Variants in ANAPC5 observed in about 807,000 individuals in gnomAD.
The protein encoded by ANAPC5 is anaphase-promoting complex subunit 5.
In ANAPC5, 60 loss-of-function variants were observed where a neutral mutation model predicts 91.3. The ratio of observed to expected loss-of-function variants is 0.66; its 90% confidence interval spans 0.53 to 0.81. ANAPC5 has a LOEUF of 0.81. Among genes scored for constraint, ANAPC5 ranks in the 40% least tolerant of loss-of-function variants. The pLI, the probability that ANAPC5 is intolerant of heterozygous loss-of-function variation, is 0.00. For missense variants in ANAPC5, 690 were observed against 931.5 expected (o/e 0.74, Z 3.37); for synonymous variants, 340 against 364.1 (o/e 0.93, Z 0.75).
rs140257918 is a variant in ANAPC5 at position 121,335,577 on chromosome 12, G to A, written c.906C>T (p.Tyr302=). 2.5e-5 allele frequency: 41 copies of A among 1,613,530 alleles called. 1 individual carries two copies. Among genetic ancestry groups the A allele is most frequent in the South Asian group, 7.7e-5 (7 of 91,064 alleles). Residue 302 remains tyrosine, a synonymous_variant, in exon 7 of 17, where the codon TAC becomes TAT. Coordinates refer to ENST00000261819, the MANE Select transcript of ANAPC5 (RefSeq NM_016237.5). Reference sequence around the variant, plus strand: ...GCAGGGCGGCAAGATTCAGAGCGGCGTATCTCAAGCTCCGGCCATAGCCCT... The same window carrying A: ...GCAGGGCGGCAAGATTCAGAGCGGCATATCTCAAGCTCCGGCCATAGCCCT... ...GEEGYGRSLR[Y]AALNLAALHC...
intron 1 of ANAPC5, among the ~76,000 whole-genome samples, chr12:121,349,896 A>G (rs1903817472): frequency 6.6e-6 from 1 of 151,834 alleles, no homozygotes; most frequent in Non-Finnish European, 1.5e-5. Context: ...TTTTTAGTAG[A>G]GATGGGGTTT....
intron 7 of ANAPC5, chr12:121,332,294 T>C (rs1903072776): frequency 6.6e-6 from 1 of 152,212 alleles, no homozygotes; most frequent in Non-Finnish European, 1.5e-5. Flanking sequence ...TTTTGAGGAT[T>C]CCCACTTCTG....
rs774125294 is a variant in ANAPC5 at position 121,318,411 on chromosome 12, C to T, written c.1759G>A (p.Val587Met). 11 of 1,610,770 alleles carry T rather than the reference C, an allele frequency of 6.8e-6. 1 individual carries two copies. Among genetic ancestry groups the T allele is most frequent in the East Asian group, 2.2e-5 (1 of 44,858 alleles). ...TEMVISVLLS[V>M]AELYWRSSSP... ...GAAGATCGCCAGTACAGCTCTGCCA[C>T]GGACAGTAGGACACTGACCGTAAAG... The change falls in exon 15 of 17, where the codon GTG becomes ATG. Residue 587 changes from valine to methionine, a missense_variant. By Grantham distance (21) the Val-to-Met change is conservative. Transcript: ENST00000261819.
At chr12:121,327,753 T>G (rs1209646034) in intron 10 of ANAPC5, 1 of 155,636 alleles carries the variant, frequency 6.4e-6, no homozygotes, top group African/African-American at 2.4e-5. Flanking sequence ...AGGATTAAAA[T>G]GCGGCAACAA....
At chr12:121,319,610 T>G in intron 13 of ANAPC5, 87 bp downstream of exon 13, 1 of 1,372,302 alleles carries the variant, frequency 7.3e-7, no homozygotes, top group Non-Finnish European at 9.8e-7. Context: ...TTTTCTAAGC[T>G]AAAATAAATT....
chr12:121,317,685 A>C (rs1275561761), intron 15 of ANAPC5, among the ~76,000 whole-genome samples: 2 of 152,230 alleles, frequency 1.3e-5, no homozygotes, highest in Non-Finnish European at 2.9e-5. Flanking sequence ...GATATTTTTT[A>C]AATCTCCGCA....
In ANAPC5 at chr12:121,315,431, A is replaced by G. The variant is rs1902315170; in HGVS notation, c.1893+2846T>C. ...AACTACTGTTTTTGCAGAAATGAAC[A>G]AGCTAATTCTAAAATCAACATATAA... On this transcript the variant is annotated intron_variant, in intron 15 of 16. Transcript: ENST00000261819. Among the ~76,000 whole-genome samples, 4 of 152,252 alleles carry G rather than the reference A, an allele frequency of 2.6e-5. No individual in the cohort carries two copies. In the South Asian group the frequency reaches 8.3e-4, roughly 32 times the overall value.
chr12:121,345,719 G>C, intron 4 of ANAPC5, 120 bp downstream of exon 4: 1 of 1,059,962 alleles, frequency 9.4e-7, no homozygotes, highest in Non-Finnish European at 1.4e-6. Flanking sequence ...TAACTTCCCA[G>C]ATCTGGAAGG....
At chr12:121,348,152 T>C (rs1375248393) in intron 1 of ANAPC5, among the ~76,000 whole-genome samples, 2 of 152,214 alleles carry the variant, frequency 1.3e-5, no homozygotes, top group Non-Finnish European at 2.9e-5. Context: ...TTTGTAATCA[T>C]TGCAAAATTG....
rs534407206 is a variant in ANAPC5 at position 121,316,560 on chromosome 12, C to T, written c.1893+1717G>A. 4.0e-4 allele frequency among the ~76,000 whole-genome samples: 60 copies of T among 151,826 alleles called. 1 individual carries two copies. The highest frequency in any genetic ancestry group is 2.6e-3 in the Admixed American group (39 of 15,228). On this transcript the variant is annotated intron_variant, in intron 15 of 16. Transcript: ENST00000261819. ...CACCCTGGCTAACACAGTGAAACCC[C>T]ATCTCTACTAAAAATACAAAAAAAT...
intron 5 of ANAPC5, among the ~76,000 whole-genome samples, chr12:121,341,034 A>G (rs1021039334): frequency 5.3e-5 from 8 of 151,952 alleles, no homozygotes; most frequent in Admixed American, 5.2e-4. Context: ...AAAAGCATCC[A>G]TAAGAAATGT....
intron 5 of ANAPC5, among the ~76,000 whole-genome samples, chr12:121,339,214 T>C (rs1903354958): frequency 6.6e-6 from 1 of 151,966 alleles, no homozygotes; most frequent in Non-Finnish European, 1.5e-5. Context: ...CACATCTGGC[T>C]AATTTTTTGT....
chr12:121,314,573 T>A (rs764085218), intron 15 of ANAPC5, among the ~76,000 whole-genome samples: 10 of 151,800 alleles, frequency 6.6e-5, no homozygotes, highest in Non-Finnish European at 1.2e-4. Flanking sequence ...TGATATTTGA[T>A]GATGAAAGAC....
Position 121,314,399 on chromosome 12 carries a change from ACACT to A in ANAPC5, c.1893+3874_1893+3877del, listed in dbSNP as rs1902275166. On this transcript the variant is annotated intron_variant, in intron 15 of 16. Coordinates refer to ENST00000261819, the MANE Select transcript of ANAPC5 (RefSeq NM_016237.5). ...GCATTCCAGCCTGGGCAACAGAGTG[ACACT>A]CTATCTCAAAAACAAACAAACAAAA... Among the ~76,000 whole-genome samples the A allele has an allele frequency of 2.6e-5, 4 of 152,276 alleles. No homozygotes were observed. In the South Asian group the frequency reaches 8.3e-4, roughly 32 times the overall value.
chr12:121,329,458 A>G (rs930905148), intron 9 of ANAPC5, among the ~76,000 whole-genome samples: 1 of 151,276 alleles, frequency 6.6e-6, no homozygotes, highest in African/African-American at 2.4e-5. Context: ...GGCCGATTTT[A>G]AAGTGTATAC....
rs564607412 is a variant in ANAPC5 at position 121,308,396 on chromosome 12, A to G, written c.*84T>C. 335 of 1,124,428 alleles carry G rather than the reference A, an allele frequency of 3.0e-4. 2 individuals are homozygous for G. In the Admixed American group the frequency reaches 5.1e-3, roughly 17 times the overall value. 69.7% of individuals were successfully genotyped at this position (1,124,428 alleles called of 1,614,324 possible). On this transcript the variant is annotated 3_prime_UTR_variant, in exon 17 of 17. Coordinates refer to ENST00000261819, the MANE Select transcript of ANAPC5 (RefSeq NM_016237.5). ...TTTATTGACAAGATAGGGTGTCACA[A>G]ATACATCATTTATAGGGAGAGAGGG...
intron 15 of ANAPC5, among the ~76,000 whole-genome samples, chr12:121,315,323 A>G (rs1902311167): frequency 6.6e-6 from 1 of 152,232 alleles, no homozygotes; most frequent in South Asian, 2.1e-4. Context: ...TCCTGTGTTC[A>G]TGGGTTGGAA....
At chr12:121,347,756 T>C in intron 2 of ANAPC5, 46 bp downstream of exon 2, 1 of 1,436,696 alleles carries the variant, frequency 7.0e-7, no homozygotes, top group South Asian at 1.2e-5. Flanking sequence ...GTGATTTTCA[T>C]CTACCTTCAC....
intron 15 of ANAPC5, among the ~76,000 whole-genome samples, chr12:121,314,550 C>T (rs543318616): frequency 7.2e-5 from 11 of 152,028 alleles, no homozygotes; most frequent in Non-Finnish European, 8.8e-5. Flanking sequence ...CTATAAAAAA[C>T]CCACAGCTAG....
Sources: gnomAD v4.1 joint callset for allele counts (sites outside exome capture counted in the v4.1 genomes callset) on GRCh38, gnomAD v4.1.1 for gene constraint, MANE v1.5 for transcripts, NCBI Gene and HGNC (gene_info 2026-07-23, HGNC 2026-07-21) for gene names.